Variants in CLEC1A observed in about 807,000 individuals in gnomAD.
CLEC1A encodes C-type lectin domain family 1 member A.
Under a neutral mutation model 28.7 loss-of-function variants are expected in CLEC1A, and 34 were observed. That is an observed-to-expected ratio of 1.18 (90% CI 0.90 to 1.57). The LOEUF is 1.57. CLEC1A is among the 40% of genes most tolerant of loss of function. CLEC1A has a pLI of 0.00. For missense variants in CLEC1A, 385 were observed against 339.5 expected, an observed-to-expected ratio of 1.13 and a Z score of -1.05; for synonymous variants, 116 against 121.0, an observed-to-expected ratio of 0.96 and a Z score of 0.27.
intron 3 of CLEC1A, among the ~76,000 whole-genome samples, 186 bp downstream of exon 3, chr12:10,081,051 T>G (rs1444678463): frequency 6.6e-6 from 1 of 152,238 alleles, no homozygotes; most frequent in East Asian, 1.9e-4. Context: ...AGTCCCTTGA[T>G]GCATGGTATC....
At chr12:10,081,078 C>G (rs1866357767) in intron 3 of CLEC1A, among the ~76,000 whole-genome samples, 159 bp downstream of exon 3, 1 of 152,214 alleles carries the variant, frequency 6.6e-6, no homozygotes, top group African/African-American at 2.4e-5. Context: ...ACATATGAAT[C>G]ACATGATCCC....
intron 1 of CLEC1A, among the ~76,000 whole-genome samples, chr12:10,096,845 C>T (rs1355220964): frequency 6.6e-6 from 1 of 152,174 alleles, no homozygotes; most frequent in African/African-American, 2.4e-5. Context: ...ATTAACTCAA[C>T]TCCACAGTTG....
rs558861863 is a variant in CLEC1A at position 10,075,658 on chromosome 12, T to G, written c.392-3A>C. On this transcript the variant is annotated splice_region_variant and splice_polypyrimidine_tract_variant and intron_variant, in intron 3 of 5. Transcript: ENST00000315330. The stretch of plus-strand genomic sequence containing the variant: ...TGTACAAGGGCTGCACCTGTGTGCT[T>G]GGAAAAAAGCCAATTTTATTGTTAT... 1.2e-6 allele frequency: 2 copies of G among 1,611,100 alleles called. No individual in the cohort carries two copies. The highest frequency in any genetic ancestry group is 4.5e-5 in the East Asian group (2 of 44,846).
At chr12:10,091,512 T>G (rs1947702572) in intron 1 of CLEC1A, among the ~76,000 whole-genome samples, 1 of 152,186 alleles carries the variant, frequency 6.6e-6, no homozygotes, top group Non-Finnish European at 1.5e-5. Flanking sequence ...TTTGTGAGAT[T>G]ATATCATGAA....
At position 10,075,618 on chromosome 12, in the gene CLEC1A, C is replaced by A. The variant is rs752114766; in HGVS notation, c.429G>T (p.Trp143Cys). The change falls in exon 4 of 6, where the codon TGG (tryptophan) becomes TGT (cysteine). Residue 143 changes from tryptophan (W) to cysteine (C), a missense_variant. Trp to Cys is a radical substitution (Grantham distance 215). Coordinates refer to ENST00000315330, the MANE Select transcript of CLEC1A (RefSeq NM_016511.4). ...AGAACTGGTAGCAATTGTCTCCATG[C>A]CATTTCCATTGTTCTGTACAAGGGC... ...RCSPCTEQWK[W>C]HGDNCYQFYK... 1.2e-4 allele frequency: 190 copies of A among 1,613,916 alleles called. No individual in the cohort carries two copies. The highest frequency in any genetic ancestry group is 1.5e-4 in the Non-Finnish European group (178 of 1,179,938).
chr12:10,071,514 C>T lies in CLEC1A; in HGVS notation c.663-1G>A. ...GGTGACATCTATTATAATATGGAAC[C>T]TTAAGAAAGGAAGAAAAAGTAAATT... On this transcript the variant is annotated splice_acceptor_variant, in intron 5 of 5. Transcript: ENST00000315330. LOFTEE classifies it high-confidence loss of function. The T allele has an allele frequency of 1.3e-6, 2 of 1,573,780 alleles. No individual in the cohort carries two copies. The highest frequency in any genetic ancestry group is 1.7e-6 in the Non-Finnish European group (2 of 1,162,600).
At chr12:10,074,872 A>T (rs942546928) in intron 4 of CLEC1A, among the ~76,000 whole-genome samples, 4 of 152,334 alleles carry the variant, frequency 2.6e-5, no homozygotes, top group African/African-American at 9.6e-5. Context: ...ATCTCTGCTA[A>T]ATTCTAGAGA....
chr12:10,089,294 G>A (rs1866565753), intron 1 of CLEC1A, 72 bp from the exon 2 acceptor site: 4 of 1,242,484 alleles, frequency 3.2e-6, no homozygotes, highest in Non-Finnish European at 4.7e-6. Context: ...AACAGGTAAG[G>A]GAGTGGAGTT....
chr12:10,077,409 C>A (rs2137336252), intron 3 of CLEC1A, among the ~76,000 whole-genome samples: 1 of 152,174 alleles, frequency 6.6e-6, no homozygotes, highest in African/African-American at 2.4e-5. Context: ...ACCCTGTTTT[C>A]CCCACCTCTC....
At chr12:10,079,092 C>CA (rs1476650751) in intron 3 of CLEC1A, among the ~76,000 whole-genome samples, 1 of 152,150 alleles carries the variant, frequency 6.6e-6, no homozygotes, top group African/African-American at 2.4e-5. Context: ...CACAAACAGA[C>CA]AAAGACATTA....
chr12:10,072,508 C>T (rs1866156271), intron 5 of CLEC1A, among the ~76,000 whole-genome samples: 1 of 152,088 alleles, frequency 6.6e-6, no homozygotes, highest in African/African-American at 2.4e-5. Context: ...AGATGTGCTC[C>T]CTATTTTGCT....
Position 10,073,333 on chromosome 12 carries a change from C to A in CLEC1A, c.622G>T (p.Ala208Ser), listed in dbSNP as rs1250463093. The change falls in exon 5 of 6, where the codon GCC becomes TCC. Residue 208 changes from alanine (A) to serine (S), a missense_variant. By Grantham distance (99) the Ala-to-Ser change is moderately conservative. Transcript: ENST00000315330. The part of the protein sequence containing the change: ...TGLLRPDSGK[A>S]WLWMDGTPFT... ...GGGGTTCCATCCATCCACAGCCAGG[C>A]CTTGCCACTGTCAGGGCGCAAAAGC... is the stretch of plus-strand genomic sequence containing the variant. 4 of 1,614,002 alleles carry A rather than the reference C, an allele frequency of 2.5e-6. No individual in the cohort carries two copies. The highest frequency in any genetic ancestry group is 1.1e-5 in the South Asian group (1 of 91,074).
At chr12:10,078,776 G>T (rs1443429510) in intron 3 of CLEC1A, among the ~76,000 whole-genome samples, 1 of 152,146 alleles carries the variant, frequency 6.6e-6, no homozygotes, top group African/African-American at 2.4e-5. Context: ...GCTGGAGGTG[G>T]GGCCTAATGG....
At chr12:10,086,134 C>A (rs1361169445) in intron 2 of CLEC1A, among the ~76,000 whole-genome samples, 1 of 151,978 alleles carries the variant, frequency 6.6e-6, no homozygotes, top group Non-Finnish European at 1.5e-5. Context: ...ATACTTTGAA[C>A]AGAACGATAA....
chr12:10,086,198 G>C (rs1312728855), intron 2 of CLEC1A, among the ~76,000 whole-genome samples: 3 of 152,118 alleles, frequency 2.0e-5, no homozygotes, highest in Non-Finnish European at 2.9e-5. Flanking sequence ...GCGGTGCTAA[G>C]AGGAAAGTTC....
intron 2 of CLEC1A, among the ~76,000 whole-genome samples, chr12:10,082,563 T>C (rs991177443): frequency 6.6e-6 from 1 of 152,070 alleles, no homozygotes; most frequent in Non-Finnish European, 1.5e-5. Flanking sequence ...ATGTGATGTT[T>C]TTTCTCTATG....
chr12:10,090,822 T>TA (rs1283211036), intron 1 of CLEC1A, among the ~76,000 whole-genome samples: 134 of 65,042 alleles, frequency 2.1e-3, no homozygotes, highest in Non-Finnish European at 2.4e-3. Context: ...GCTCCTTTTT[T>TA]TAAAAAAAAT....
intron 4 of CLEC1A, among the ~76,000 whole-genome samples, chr12:10,074,028 T>A (rs968819156): frequency 2.0e-5 from 3 of 152,204 alleles, no homozygotes; most frequent in Non-Finnish European, 4.4e-5. Flanking sequence ...TACTTCTATC[T>A]AGTCTCACTC....
chr12:10,091,790 G>C (rs1947706178), intron 1 of CLEC1A, among the ~76,000 whole-genome samples: 1 of 151,990 alleles, frequency 6.6e-6, no homozygotes, highest in African/African-American at 2.4e-5. Flanking sequence ...AGTTAAAAGT[G>C]CTTATGTGAG....
Sources: allele counts gnomAD v4.1 joint callset (sites outside exome capture counted in the v4.1 genomes callset), GRCh38; gene constraint gnomAD v4.1.1; transcripts MANE v1.5; gene names NCBI Gene and HGNC (gene_info 2026-07-23, HGNC 2026-07-21).